SLC9A9: variants seen among roughly 807,000 people sequenced by gnomAD.
The protein encoded by SLC9A9 is solute carrier family 9 member A9.
SLC9A9 carries 62 observed loss-of-function variants against 77.8 expected under a neutral mutation model. That is an observed-to-expected ratio of 0.80 (90% CI 0.65 to 0.98). The LOEUF (loss-of-function observed/expected upper bound fraction) is 0.98, where lower values mean the gene tolerates loss of function less well. SLC9A9 is among the 50% of genes least tolerant of loss of function. The probability of loss-of-function intolerance (pLI) is 0.00; values close to 1 mark genes in which losing one functional copy is unlikely to be tolerated. For missense variants in SLC9A9, 775 were observed against 774.9 expected (o/e 1.00, Z 0.00); for synonymous variants, 320 against 283.5 (o/e 1.13, Z -1.29).
intron 2 of SLC9A9, among the ~76,000 whole-genome samples, chr3:143,829,457 A>G (rs1442385125): frequency 6.6e-6 from 1 of 152,044 alleles, no homozygotes; most frequent in Non-Finnish European, 1.5e-5. Flanking sequence ...TTCAATCCCT[A>G]CTGCCTACCC....
chr3:143,518,865 C>T (rs1441860559), intron 9 of SLC9A9, among the ~76,000 whole-genome samples: 1 of 152,158 alleles, frequency 6.6e-6, no homozygotes, highest in African/African-American at 2.4e-5. Context: ...TTGTACTTGT[C>T]TCCTGATGTG....
chr3:143,674,811 G>A (rs952412499), intron 5 of SLC9A9, among the ~76,000 whole-genome samples: 2 of 152,192 alleles, frequency 1.3e-5, no homozygotes, highest in Admixed American at 1.3e-4. Context: ...TTACATACAG[G>A]TTCTACCAGT....
intron 14 of SLC9A9, chr3:143,344,528 T>C (rs2032203526): frequency 6.6e-6 from 1 of 152,314 alleles, no homozygotes; most frequent in South Asian, 2.1e-4. Context: ...AATTTTATGA[T>C]GAGAAAATTA....
chr3:143,848,313 GTC>G lies in SLC9A9; in HGVS notation c.8_9del (p.Arg3ThrfsTer10), dbSNP rs750792945. On this transcript the variant is annotated frameshift_variant, in exon 1 of 16. Transcript: ENST00000316549. LOFTEE classifies it high-confidence loss of function. ...TCCTTTTCTGACATAACCCTTGACT[GTC>G]TCTCCATTCCCCAGTCTTCTTGGGA... Reference protein sequence around the residue: MERQSRVMSEKDE... With the variant: MEXQSRVMSEKDE... 8 of 1,613,922 alleles carry G rather than the reference GTC, an allele frequency of 5.0e-6. No homozygotes were observed. Among genetic ancestry groups the G allele is most frequent in the Non-Finnish European group, 5.1e-6 (6 of 1,179,858 alleles).
At chr3:143,498,483 G>C (rs1257809959) in intron 9 of SLC9A9, among the ~76,000 whole-genome samples, 1 of 151,038 alleles carries the variant, frequency 6.6e-6, no homozygotes, top group Non-Finnish European at 1.5e-5. Flanking sequence ...GAACCCAGGA[G>C]GTGGACGCTG....
At chr3:143,398,013 C>G (rs1245047896) in intron 12 of SLC9A9, among the ~76,000 whole-genome samples, 1 of 152,058 alleles carries the variant, frequency 6.6e-6, no homozygotes, top group Non-Finnish European at 1.5e-5. Context: ...TAGAAGGCAA[C>G]AACAAAGTTT....
intron 5 of SLC9A9, among the ~76,000 whole-genome samples, chr3:143,659,860 T>A (rs2038953876): frequency 6.6e-6 from 1 of 152,222 alleles, no homozygotes; most frequent in Non-Finnish European, 1.5e-5. Flanking sequence ...GAAGGGACCC[T>A]GTGGGAGGTA....
At chr3:143,628,777 G>C (rs1222168630) in intron 6 of SLC9A9, among the ~76,000 whole-genome samples, 2 of 152,066 alleles carry the variant, frequency 1.3e-5, no homozygotes, top group African/African-American at 4.8e-5. Context: ...AAAATTAGAA[G>C]ACATTTTGTC....
chr3:143,606,389 C>T (rs1181559616), intron 6 of SLC9A9, among the ~76,000 whole-genome samples: 5 of 112,874 alleles, frequency 4.4e-5, no homozygotes, highest in East Asian at 5.9e-4. Context: ...TCAGACTGGG[C>T]GAAAGAGTGA....
At chr3:143,730,874 A>T (rs928534525) in intron 4 of SLC9A9, among the ~76,000 whole-genome samples, 1 of 152,188 alleles carries the variant, frequency 6.6e-6, no homozygotes, top group African/African-American at 2.4e-5. Flanking sequence ...AAAAAGAAAA[A>T]GAAAAAGGTT....
At chr3:143,351,287 T>C (rs1360619224) in intron 14 of SLC9A9, among the ~76,000 whole-genome samples, 1 of 152,240 alleles carries the variant, frequency 6.6e-6, no homozygotes. Context: ...GAACCACTAA[T>C]GAGTTATGAT....
At chr3:143,676,095 C>T (rs529678367) in intron 5 of SLC9A9, among the ~76,000 whole-genome samples, 5 of 152,230 alleles carry the variant, frequency 3.3e-5, no homozygotes, top group Admixed American at 1.3e-4. Context: ...CTAGATCCCT[C>T]GCATGCGCAG....
chr3:143,615,364 G>A (rs570819487), intron 6 of SLC9A9, among the ~76,000 whole-genome samples: 2 of 151,912 alleles, frequency 1.3e-5, no homozygotes, highest in Admixed American at 6.6e-5. Context: ...TTGAATACAG[G>A]TATAAGAACA....
chr3:143,384,355 C>T (rs888890458), intron 12 of SLC9A9, among the ~76,000 whole-genome samples: 1 of 152,132 alleles, frequency 6.6e-6, no homozygotes, highest in South Asian at 2.1e-4. Context: ...TCCCTAGAGG[C>T]TTCATTGCTG....
chr3:143,354,711 A>T (rs1318226345), intron 14 of SLC9A9, among the ~76,000 whole-genome samples: 1 of 152,222 alleles, frequency 6.6e-6, no homozygotes, highest in South Asian at 2.1e-4. Context: ...ACTAAATTCA[A>T]TACTGGCAGC....
chr3:143,325,090 A>C (rs1006219354), intron 14 of SLC9A9, among the ~76,000 whole-genome samples: 3 of 152,050 alleles, frequency 2.0e-5, no homozygotes, highest in South Asian at 2.1e-4. Flanking sequence ...AAAAAAAAAA[A>C]AAAAACCTTC....
At chr3:143,699,865 G>T (rs1005586388) in intron 4 of SLC9A9, among the ~76,000 whole-genome samples, 3 of 152,002 alleles carry the variant, frequency 2.0e-5, no homozygotes, top group South Asian at 2.1e-4. Flanking sequence ...GGCTAATGCG[G>T]TGCCTGTGTG....
At chr3:143,740,558 A>G (rs1576694223) in intron 4 of SLC9A9, among the ~76,000 whole-genome samples, 1 of 152,150 alleles carries the variant, frequency 6.6e-6, no homozygotes, top group African/African-American at 2.4e-5. Context: ...CATATTTAAT[A>G]AAATAAGTCC....
At chr3:143,268,695 T>G (rs1937803472) in intron 15 of SLC9A9, among the ~76,000 whole-genome samples, 180 bp downstream of exon 15, 1 of 127,504 alleles carries the variant, frequency 7.8e-6, no homozygotes, top group Middle Eastern at 5.3e-3. Flanking sequence ...ATCACGCCAC[T>G]GCACTCCAGC....
Sources: gnomAD v4.1 joint callset for allele counts (sites outside exome capture counted in the v4.1 genomes callset) on GRCh38, gnomAD v4.1.1 for gene constraint, MANE v1.5 for transcripts, NCBI Gene and HGNC (gene_info 2026-07-23, HGNC 2026-07-21) for gene names.